The following RGL4 variants were observed in gnomAD, a reference collection of about 807,000 sequenced individuals.
RGL4 encodes the protein ral guanine nucleotide dissociation stimulator like 4, also known as ral-GDS-related protein.
Under a neutral mutation model 49.6 loss-of-function variants are expected in RGL4, and 41 were observed. That is an observed-to-expected ratio of 0.83 (90% CI 0.64 to 1.07). The LOEUF (loss-of-function observed/expected upper bound fraction) is 1.07. RGL4 is among the 50% of genes least tolerant of loss of function. The pLI is 0.00. For missense variants in RGL4, 610 were observed against 591.9 expected (o/e 1.03, Z -0.32); for synonymous variants, 255 against 238.0 (o/e 1.07, Z -0.66).
rs372637633 is a variant in RGL4 at position 23,697,800 on chromosome 22, G to A, written c.1237-38G>A. On this transcript the variant is annotated intron_variant, in intron 8 of 10. Transcript: ENST00000290691. ...AGGGGTGGGGTGGGGCTGGTTGTGG[G>A]CCAGGGGCCTTTCTGATGGACTCTG... 6 of 1,592,262 alleles carry A rather than the reference G, an allele frequency of 3.8e-6. No individual in the cohort carries two copies. The African/African-American group carries it at 6.7e-5, about 18-fold the overall frequency.
intron 6 of RGL4, 71 bp downstream of exon 6, chr22:23,695,090 T>C (rs1569119739): frequency 4.3e-6 from 5 of 1,152,902 alleles, no homozygotes; most frequent in South Asian, 2.5e-5. Flanking sequence ...TGGAAGGGCA[T>C]TGGACCAGGT....
chr22:23,692,534 G>C lies in RGL4; in HGVS notation c.373+6G>C. ...CAACGAGGCCAAGCCAGATGGTGAGGGGGCTTGCAGTCTGCAAGACTTTCC... is the reference window on the plus strand; with the variant it reads ...CAACGAGGCCAAGCCAGATGGTGAGCGGGCTTGCAGTCTGCAAGACTTTCC... On this transcript the variant is annotated splice_donor_region_variant and intron_variant, in intron 2 of 10. Transcript: ENST00000290691. 6.2e-7 allele frequency: 1 copy of C among 1,609,314 alleles called. No individual in the cohort carries two copies. The highest frequency in any genetic ancestry group is 8.5e-7 in the Non-Finnish European group (1 of 1,176,634).
chr22:23,692,906 T>C lies in RGL4; in HGVS notation c.611T>C (p.Val204Ala), dbSNP rs1923233130. ...PESSCPCRGS[V>A]KNQPSEELPD... ...TCCTCCTGTCCCTGTCGTGGGTCTG[T>C]AAAGAACCAACCCAGTGAGGAGCTG... is the stretch of plus-strand genomic sequence containing the variant. The change falls in exon 3 of 11, where the codon GTA becomes GCA. Residue 204 changes from valine (V) to alanine (A), a missense_variant. Transcript: ENST00000290691. The C allele has an allele frequency of 6.2e-7, 1 of 1,613,574 alleles. No individual in the cohort carries two copies. The highest frequency in any genetic ancestry group is 8.5e-7 in the Non-Finnish European group (1 of 1,180,012).
At position 23,692,459 on chromosome 22, in the gene RGL4, T is replaced by C; in HGVS notation, c.304T>C (p.Leu102=). 6.2e-7 allele frequency: 1 copy of C among 1,614,204 alleles called. No homozygotes were observed. Among genetic ancestry groups the C allele is most frequent in the Non-Finnish European group, 8.5e-7 (1 of 1,180,032 alleles). ...FRNLSWPGLG[L]EDHQEIVLGQ... is the part of the protein sequence containing the mutation. ...GAACCTCTCCTGGCCTGGACTGGGC[T>C]TGGAGGACCATCAGGAAATTGTCCT... The change falls in exon 2 of 11, where the codon TTG becomes CTG. Residue 102 remains leucine (L), a synonymous_variant. Transcript: ENST00000290691.
chr22:23,698,360 G>C, intron 10 of RGL4, 27 bp downstream of exon 10: 1 of 1,587,564 alleles, frequency 6.3e-7, no homozygotes, highest in Non-Finnish European at 8.6e-7. Flanking sequence ...TGGGCTGAGG[G>C]TGGGAGAAGG....
rs942612487 is a variant in RGL4, at chr22:23,696,629, G to A, written c.1102G>A (p.Val368Met). Residue 368 changes from valine (V) to methionine (M), a missense_variant, in exon 7 of 11, where the codon GTG (valine) becomes ATG (methionine). Physicochemically the swap from Val to Met is conservative, Grantham distance 21 (BLOSUM62 1). Transcript: ENST00000290691. ...CACCTGGCAGGCGGGGAGCTTTAAG[G>A]TGGCCACCCAGGAGAGGAACCCCCA... ...DLLIKAGSFKVATQERNPQRV... is the reference protein window; with the variant it reads ...DLLIKAGSFKMATQERNPQRV... 3.1e-6 allele frequency: 5 copies of A among 1,613,704 alleles called. No individual in the cohort carries two copies. The highest frequency in any genetic ancestry group is 4.2e-6 in the Non-Finnish European group (5 of 1,179,902).
Position 23,694,425 on chromosome 22 carries a change from C to T in RGL4, c.991C>T (p.His331Tyr). The T allele has an allele frequency of 1.9e-6, 3 of 1,613,780 alleles. No individual in the cohort carries two copies. The highest frequency in any genetic ancestry group is 2.2e-5 in the East Asian group (1 of 44,890). ...ALCSNPIGQL[H>Y]KTWAGVSSKS... ...GTGCAGCAACCCAATAGGTCAGCTA[C>T]ACAAGACGTGGGCAGGAGTGTCCAG... Residue 331 changes from histidine (H) to tyrosine (Y), a missense_variant, in exon 5 of 11, where the codon CAC becomes TAC. His to Tyr is a moderately conservative substitution (Grantham distance 83). Transcript: ENST00000290691.
intron 2 of RGL4, 35 bp from the exon 3 acceptor site, chr22:23,692,634 A>G (rs1569118319): frequency 6.4e-7 from 1 of 1,572,374 alleles, no homozygotes; most frequent in Non-Finnish European, 8.6e-7. Flanking sequence ...CCCAGTGAAA[A>G]ATGACTGGTG....
rs1282560789 is a variant in RGL4 at position 23,693,878 on chromosome 22, G to A, written c.816G>A (p.Arg272=). Residue 272 remains arginine (R), a synonymous_variant, in exon 4 of 11, where the codon AGG becomes AGA. Transcript: ENST00000290691. ...TVRATIAHFN[R]LTNCITTSCL... is the part of the protein sequence containing the mutation. ...GTGCCACCATCGCACACTTCAACAG[G>A]CTCACCAACTGCATCACCACCTCCT... The A allele has an allele frequency of 2.9e-5, 47 of 1,613,866 alleles. No homozygotes were observed. Among genetic ancestry groups the A allele is most frequent in the Non-Finnish European group, 3.9e-5 (46 of 1,180,032 alleles).
Position 23,696,655 on chromosome 22 carries a change from G to A in RGL4, c.1128G>A (p.Gln376=). The A allele has an allele frequency of 1.2e-6, 2 of 1,613,764 alleles. No homozygotes were observed. The highest frequency in any genetic ancestry group is 1.7e-6 in the Non-Finnish European group (2 of 1,179,868). ...FKVATQERNP[Q]RVQMRLRRQK... ...TGGCCACCCAGGAGAGGAACCCCCA[G>A]AGAGTCCAGATGAGGCTGCGGAGGC... The change falls in exon 7 of 11, where the codon CAG becomes CAA. Residue 376 remains glutamine, a synonymous_variant. Transcript: ENST00000290691.
intron 5 of RGL4, 39 bp from the exon 6 acceptor site, chr22:23,694,911 A>C: frequency 6.5e-7 from 1 of 1,529,498 alleles, no homozygotes; most frequent in South Asian, 1.1e-5. Flanking sequence ...ATCTCCCCTG[A>C]TTCCCAAATT....
intron 7 of RGL4, among the ~76,000 whole-genome samples, chr22:23,696,898 G>A (rs1324261671): frequency 6.6e-6 from 1 of 152,230 alleles, no homozygotes; most frequent in East Asian, 1.9e-4. Flanking sequence ...GAAGGGTAAA[G>A]CTGGGACCAC....
chr22:23,692,160 C>G lies in RGL4; in HGVS notation c.130C>G (p.Leu44Val). The G allele has an allele frequency of 1.2e-6, 2 of 1,614,204 alleles. No individual in the cohort carries two copies. The highest frequency in any genetic ancestry group is 1.7e-6 in the Non-Finnish European group (2 of 1,180,038). The change falls in exon 1 of 11, where the codon CTG becomes GTG. Residue 44 changes from leucine (L) to valine (V), a missense_variant. By Grantham distance (32) the Leu-to-Val change is conservative (BLOSUM62 1). Coordinates refer to ENST00000290691, the MANE Select transcript of RGL4 (RefSeq NM_153615.2). ...AGGGCGCACGAGGGTCTGTACAGCC[C>G]TGCTGTATGGCCAGGTCTGCCCCTT... ...TPGRTRVCTALLYGQVCPFQD... is the reference protein window; with the variant it reads ...TPGRTRVCTAVLYGQVCPFQD...
chr22:23,697,765 C>T (rs1923601706), intron 8 of RGL4, 73 bp from the exon 9 acceptor site: 1 of 1,518,902 alleles, frequency 6.6e-7, no homozygotes, highest in Non-Finnish European at 9.0e-7. Context: ...GGCAGTAGTG[C>T]AGCATGGGAA....
chr22:23,697,076 G>A, intron 7 of RGL4, 95 bp from the exon 8 acceptor site: 1 of 937,988 alleles, frequency 1.1e-6, no homozygotes, highest in East Asian at 2.5e-5. Context: ...GACAGGGGCT[G>A]ATGGGATTTC....
In RGL4 at chr22:23,692,767, T is replaced by G; in HGVS notation, c.472T>G (p.Ser158Ala). Residue 158 changes from serine to alanine, a missense_variant, in exon 3 of 11, where the codon TCA becomes GCA. Ser to Ala is a moderately conservative substitution (Grantham distance 99). Coordinates refer to ENST00000290691, the MANE Select transcript of RGL4 (RefSeq NM_153615.2). Reference sequence around the variant, plus strand: ...CCTGGGGCCTGCTCTGGAGCCAGAGTCACCTGCAGCCCTGGGTCCACCAGG... The same window carrying G: ...CCTGGGGCCTGCTCTGGAGCCAGAGGCACCTGCAGCCCTGGGTCCACCAGG... Reference protein sequence around the residue: ...ADLGPALEPESPAALGPPGYL... With the variant: ...ADLGPALEPEAPAALGPPGYL... 6.2e-7 allele frequency: 1 copy of G among 1,613,266 alleles called. No homozygotes were observed. Among genetic ancestry groups the G allele is most frequent in the Non-Finnish European group, 8.5e-7 (1 of 1,179,930 alleles).
chr22:23,693,122 T>C, intron 3 of RGL4, 131 bp downstream of exon 3: 1 of 1,407,448 alleles, frequency 7.1e-7, no homozygotes, highest in Non-Finnish European at 9.3e-7. Flanking sequence ...TCTGGATGAG[T>C]TTCCTCACCC....
intron 3 of RGL4, 106 bp from the exon 4 acceptor site, chr22:23,693,653 C>A: frequency 1.1e-6 from 1 of 902,652 alleles, no homozygotes; most frequent in Admixed American, 2.0e-5. Flanking sequence ...CAGCTTGGTT[C>A]CTGCCAGAGA....
chr22:23,697,382 G>A, intron 8 of RGL4, 137 bp downstream of exon 8: 1 of 679,326 alleles, frequency 1.5e-6, no homozygotes, highest in South Asian at 1.8e-5. Flanking sequence ...CCTGTGGGTG[G>A]GGGTGTCAGG....
Sources: allele counts gnomAD v4.1 joint callset (sites outside exome capture counted in the v4.1 genomes callset), GRCh38; gene constraint gnomAD v4.1.1; transcripts MANE v1.5; gene names NCBI Gene and HGNC (gene_info 2026-07-23, HGNC 2026-07-21).